Variants in CPPED1 observed in about 807,000 individuals in gnomAD.
CPPED1 encodes calcineurin like phosphoesterase domain containing 1, also known as serine/threonine-protein phosphatase CPPED1.
CPPED1 carries 28 observed loss-of-function variants against 28.0 expected under a neutral mutation model. That is an observed-to-expected ratio of 1.00 (90% confidence interval 0.74 to 1.37). The LOEUF is 1.37. Ranked by LOEUF, CPPED1 falls within the 40% of genes most tolerant of loss-of-function variation. CPPED1 has a pLI of 0.00. For synonymous variants in CPPED1, 198 were observed against 180.2 expected (o/e 1.10, Z -0.79); for missense variants, 504 against 416.5 (o/e 1.21, Z -1.83).
chr16:12,753,219 AG>A (rs1356044717), intron 2 of CPPED1: 2 of 152,176 alleles, frequency 1.3e-5, no homozygotes, highest in African/African-American at 4.8e-5. Context: ...TTGAAATCCT[AG>A]CCCCCAGTGA....
chr16:12,670,562 C>A lies in CPPED1; in HGVS notation c.716-5447G>T. On this transcript the variant is annotated intron_variant, in intron 3 of 3. Transcript: ENST00000381774. This position sits in a 1 kb window ranked among gnomAD's most constrained non-coding sequence, Gnocchi z 4.2. ...GAAGAAACTGGACAAACACCAAAAG[C>A]GATAAGTCACATGATTAGTATGTGC... Among the ~76,000 whole-genome samples, 1 of 151,812 alleles carries A rather than the reference C, an allele frequency of 6.6e-6. No homozygotes were observed. Among genetic ancestry groups the A allele is most frequent in the Middle Eastern group, 3.4e-3 (1 of 290 alleles).
Position 12,789,618 on chromosome 16 carries a change from C to T in CPPED1, c.71-8215G>A, listed in dbSNP as rs58497051. Among the ~76,000 whole-genome samples the T allele has an allele frequency of 2.6e-3, 391 of 152,180 alleles. 2 individuals carry two copies. The highest frequency in any genetic ancestry group is 7.7e-3 in the South Asian group (37 of 4,812). On this transcript the variant is annotated intron_variant, in intron 1 of 3. Transcript: ENST00000381774. Reference sequence around the variant, plus strand: ...TTGGTTCACTGCAACTTCCACTTCCCGGGCTCAAGTGATCCTCCCACGTCA... The same window carrying T: ...TTGGTTCACTGCAACTTCCACTTCCTGGGCTCAAGTGATCCTCCCACGTCA...
At chr16:12,770,771 G>A (rs938358269) in intron 2 of CPPED1, among the ~76,000 whole-genome samples, 3 of 151,790 alleles carry the variant, frequency 2.0e-5, no homozygotes, top group African/African-American at 4.8e-5. Context: ...GCAGTGAGCC[G>A]AGATCGCGCC....
intron 2 of CPPED1, among the ~76,000 whole-genome samples, chr16:12,728,958 CCT>C (rs2080183907): frequency 6.6e-6 from 1 of 152,144 alleles, no homozygotes; most frequent in Non-Finnish European, 1.5e-5. Context: ...AATGGGACCC[CCT>C]GTCTGTGAGC....
chr16:12,696,972 T>C (rs1441914020), intron 3 of CPPED1, among the ~76,000 whole-genome samples: 1 of 152,190 alleles, frequency 6.6e-6, no homozygotes, highest in Non-Finnish European at 1.5e-5. Context: ...CCTCCAAGTT[T>C]TGCCTTATCT....
At chr16:12,703,624 G>A (rs2080031804) in intron 3 of CPPED1, among the ~76,000 whole-genome samples, 1 of 148,782 alleles carries the variant, frequency 6.7e-6, no homozygotes, top group Non-Finnish European at 1.5e-5. Context: ...GGAGGTTGCA[G>A]TGAGCCGAGA....
chr16:12,675,618 GCCT>G (rs1172803420), intron 3 of CPPED1, among the ~76,000 whole-genome samples: 1 of 152,148 alleles, frequency 6.6e-6, no homozygotes, highest in Non-Finnish European at 1.5e-5. Flanking sequence ...CTAAACACTG[GCCT>G]TCTTTAATGC....
Position 12,801,122 on chromosome 16 carries a change from C to A in CPPED1, c.70+2585G>T, listed in dbSNP as rs1020056692. Among the ~76,000 whole-genome samples, 17 of 152,154 alleles carry A rather than the reference C, an allele frequency of 1.1e-4. 2 individuals are homozygous for A. Among genetic ancestry groups the A allele is most frequent in the Admixed American group, 9.8e-4 (15 of 15,270 alleles). ...TTGTTTGTTTGTTTTGAGCTGGAGT[C>A]TTGCTCTGTTGTCCAGGGTGGAGTG... On this transcript the variant is annotated intron_variant, in intron 1 of 3. Coordinates refer to ENST00000381774, the MANE Select transcript of CPPED1 (RefSeq NM_018340.3).
intron 2 of CPPED1, among the ~76,000 whole-genome samples, chr16:12,762,502 C>T (rs1268585533): frequency 1.3e-5 from 2 of 152,064 alleles, no homozygotes; most frequent in African/African-American, 4.8e-5. Context: ...GTGGTATATC[C>T]ATATGGTAGA....
At chr16:12,705,362 C>A (rs763653498) in intron 2 of CPPED1, among the ~76,000 whole-genome samples, 3 of 152,116 alleles carry the variant, frequency 2.0e-5, no homozygotes, top group Admixed American at 6.5e-5. Flanking sequence ...GTGGCTCACA[C>A]CTGTAATACC....
intron 2 of CPPED1, among the ~76,000 whole-genome samples, chr16:12,780,156 G>A (rs1331522783): frequency 4.6e-5 from 7 of 152,042 alleles, no homozygotes; most frequent in Non-Finnish European, 4.4e-5. Flanking sequence ...AGGGGTATGA[G>A]CCTGGGACTT....
At chr16:12,800,999 T>C (rs12598821) in intron 1 of CPPED1, among the ~76,000 whole-genome samples, 39,375 of 152,100 alleles carry the variant, frequency 0.26, 6,538 homozygotes, top group African/African-American at 0.47. Flanking sequence ...TCTGAGAGCA[T>C]GTAACTTGAA....
At chr16:12,766,582 A>G (rs1396760907) in intron 2 of CPPED1, among the ~76,000 whole-genome samples, 3 of 152,056 alleles carry the variant, frequency 2.0e-5, no homozygotes, top group Admixed American at 1.3e-4. Context: ...TGGAAGTACA[A>G]TTCAAGATGA....
intron 2 of CPPED1, among the ~76,000 whole-genome samples, chr16:12,752,738 A>G (rs1452262196): frequency 6.8e-6 from 1 of 147,806 alleles, no homozygotes; most frequent in Non-Finnish European, 1.5e-5. Context: ...CAAAAACTGC[A>G]CCAGAATAAA....
At chr16:12,759,163 T>TAAAAAAAA (rs61373635) in intron 2 of CPPED1, 4 of 74,362 alleles carry the variant, frequency 5.4e-5, no homozygotes, top group Admixed American at 1.8e-4. Flanking sequence ...ACTCTGTCTC[T>TAAAAAAAA]AAAAAAAAAA....
At chr16:12,781,447 A>T (rs781167595) in intron 1 of CPPED1, 44 bp from the exon 2 acceptor site, 38 of 1,578,286 alleles carry the variant, frequency 2.4e-5, no homozygotes, top group Non-Finnish European at 3.3e-5. Flanking sequence ...ATCTTGTAAA[A>T]TCTGTCATAA....
At chr16:12,791,242 T>C (rs562486056) in intron 1 of CPPED1, among the ~76,000 whole-genome samples, 2 of 151,990 alleles carry the variant, frequency 1.3e-5, no homozygotes, top group East Asian at 3.9e-4. Flanking sequence ...CAGGCCCTGG[T>C]GTGTGATGTT....
Position 12,704,776 on chromosome 16 carries a change from T to A in CPPED1, c.563A>T (p.Gln188Leu), listed in dbSNP as rs751691095. The A allele has an allele frequency of 4.3e-6, 7 of 1,614,222 alleles. 1 individual carries two copies. In the South Asian group the frequency reaches 7.7e-5, roughly 18 times the overall value. Reference protein sequence around the residue: ...KQAQDQWLDEQLSIARQRHCQ... With the variant: ...KQAQDQWLDELLSIARQRHCQ... ...GTGCCGCTGCCTCGCGATGCTCAGCTGCTCGTCCAGCCACTGGTCCTGAGC... is the reference window on the plus strand; with the variant it reads ...GTGCCGCTGCCTCGCGATGCTCAGCAGCTCGTCCAGCCACTGGTCCTGAGC... Residue 188 changes from glutamine (Q) to leucine (L), a missense_variant, in exon 3 of 4, where the codon CAG becomes CTG. Physicochemically the swap from Gln to Leu is moderately radical, Grantham distance 113. Transcript: ENST00000381774.
At chr16:12,672,587 T>C (rs1027718703) in intron 3 of CPPED1, among the ~76,000 whole-genome samples, 1 of 152,196 alleles carries the variant, frequency 6.6e-6, no homozygotes, top group Non-Finnish European at 1.5e-5. Flanking sequence ...GTGTGCCTAT[T>C]TGTGTATATG....
Sources: allele counts gnomAD v4.1 joint callset (sites outside exome capture counted in the v4.1 genomes callset), GRCh38; gene constraint gnomAD v4.1.1; non-coding constraint Gnocchi (gnomAD v3.1); transcripts MANE v1.5; gene names NCBI Gene and HGNC (gene_info 2026-07-23, HGNC 2026-07-21).